OSBPL1A: variants seen among roughly 807,000 people sequenced by gnomAD.
The protein encoded by OSBPL1A is oxysterol binding protein like 1A.
OSBPL1A carries 80 observed loss-of-function variants against 137.1 expected under a neutral mutation model. That is an observed-to-expected ratio of 0.58 (90% confidence interval 0.49 to 0.70). The LOEUF is 0.70. Among genes scored for constraint, OSBPL1A ranks in the 30% least tolerant of loss-of-function variants. OSBPL1A has a pLI of 0.00. For synonymous variants in OSBPL1A, 365 were observed against 389.7 expected, an observed-to-expected ratio of 0.94 and a Z score of 0.75; for missense variants, 970 against 1,129.4, an observed-to-expected ratio of 0.86 and a Z score of 2.02.
intron 13 of OSBPL1A, among the ~76,000 whole-genome samples, chr18:24,305,526 C>T (rs1176533357): frequency 1.3e-5 from 2 of 152,094 alleles, no homozygotes; most frequent in African/African-American, 4.8e-5. Context: ...AATATGGTCT[C>T]CCATTTGCTT....
intron 18 of OSBPL1A, among the ~76,000 whole-genome samples, chr18:24,184,958 A>C (rs552200957): frequency 3.3e-4 from 51 of 152,334 alleles, no homozygotes; most frequent in African/African-American, 1.2e-3. Flanking sequence ...CTAAATGCTG[A>C]GTAAAAAAAA....
intron 15 of OSBPL1A, among the ~76,000 whole-genome samples, chr18:24,269,885 C>CA (rs375934061): frequency 6.0e-5 from 9 of 151,224 alleles, no homozygotes; most frequent in African/African-American, 2.0e-4. Flanking sequence ...CACACACACA[C>CA]CATGCTAATT....
At chr18:24,187,908 GC>G (rs1220688377) in intron 18 of OSBPL1A, among the ~76,000 whole-genome samples, 1 of 152,236 alleles carries the variant, frequency 6.6e-6, no homozygotes, top group Non-Finnish European at 1.5e-5. Context: ...ACCAGTGACA[GC>G]CAGTAGGTGA....
intron 16 of OSBPL1A, among the ~76,000 whole-genome samples, chr18:24,228,595 A>G (rs1284652981): frequency 6.6e-6 from 1 of 152,192 alleles, no homozygotes; most frequent in African/African-American, 2.4e-5. Context: ...AAACGAGTTC[A>G]GTAGATTTCT....
chr18:24,241,588 G>A (rs1337743490), intron 15 of OSBPL1A, among the ~76,000 whole-genome samples: 1 of 152,128 alleles, frequency 6.6e-6, no homozygotes. Context: ...ACCATCTTAC[G>A]CCAGTTAGAA....
At chr18:24,215,176 A>C (rs531194636) in intron 17 of OSBPL1A, among the ~76,000 whole-genome samples, 1 of 152,318 alleles carries the variant, frequency 6.6e-6, no homozygotes, top group South Asian at 2.1e-4. Flanking sequence ...TGTCCTGCAA[A>C]GGACTGCATC....
Position 24,354,134 on chromosome 18 carries a change from T to TA in OSBPL1A, c.283-12477dup, listed in dbSNP as rs1189014777. Among the ~76,000 whole-genome samples, 244 of 147,848 alleles carry TA rather than the reference T, an allele frequency of 1.7e-3. 3 individuals carry two copies. The Middle Eastern group carries it at 0.028, about 17-fold the overall frequency. ...ACTATGTTATCTATAAACAGGAGGT[T>TA]AAAAAAAAAACTCAAGTTAAAACTA... On this transcript the variant is annotated intron_variant, in intron 4 of 27. Coordinates refer to ENST00000319481, the MANE Select transcript of OSBPL1A (RefSeq NM_080597.4).
chr18:24,276,018 G>A (rs943446066), intron 15 of OSBPL1A, among the ~76,000 whole-genome samples: 2 of 151,826 alleles, frequency 1.3e-5, no homozygotes, highest in African/African-American at 2.4e-5. Context: ...ATGAGCCACC[G>A]TGCCTGTATG....
intron 14 of OSBPL1A, among the ~76,000 whole-genome samples, chr18:24,299,415 T>C (rs544572167): frequency 6.6e-6 from 1 of 152,330 alleles, no homozygotes; most frequent in African/African-American, 2.4e-5. Flanking sequence ...GCATTTCTTG[T>C]AGTGCTGGTT....
In OSBPL1A at chr18:24,264,551, A is replaced by G. The variant is rs576756792; in HGVS notation, c.1281+16291T>C. On this transcript the variant is annotated intron_variant, in intron 15 of 27. Coordinates refer to ENST00000319481, the MANE Select transcript of OSBPL1A (RefSeq NM_080597.4). The stretch of plus-strand genomic sequence containing the variant: ...GAATCTTAGGAAATAGACTACTTCT[A>G]TATTTTCCCAAAATGCGACTTCTAC... Among the ~76,000 whole-genome samples, 8 of 152,350 alleles carry G rather than the reference A, an allele frequency of 5.3e-5. No homozygotes were observed. In the South Asian group the frequency reaches 1.0e-3, roughly 20 times the overall value.
chr18:24,212,558 G>A (rs1471966065), intron 17 of OSBPL1A, among the ~76,000 whole-genome samples: 6 of 152,190 alleles, frequency 3.9e-5, no homozygotes, highest in African/African-American at 1.4e-4. Flanking sequence ...ATTTAAATCT[G>A]AGAGTAAATA....
chr18:24,178,079 T>C lies in OSBPL1A; in HGVS notation c.2027A>G (p.Lys676Arg). The C allele has an allele frequency of 6.2e-7, 1 of 1,613,840 alleles. No homozygotes were observed. Among genetic ancestry groups the C allele is most frequent in the Non-Finnish European group, 8.5e-7 (1 of 1,179,814 alleles). Residue 676 changes from lysine to arginine, a missense_variant, in exon 21 of 28, where the codon AAA (lysine) becomes AGA (arginine). Physicochemically the swap from Lys to Arg is conservative, Grantham distance 26. Coordinates refer to ENST00000319481, the MANE Select transcript of OSBPL1A (RefSeq NM_080597.4). ...DFIFHGSIYP[K>R]LKFWGKSVEA... Reference sequence around the variant, plus strand: ...TACACTCTTCCCCCAGAATTTCAGTTTGGGATAGATAGAGCCATGAAAGAT... The same window carrying C: ...TACACTCTTCCCCCAGAATTTCAGTCTGGGATAGATAGAGCCATGAAAGAT...
intron 14 of OSBPL1A, among the ~76,000 whole-genome samples, chr18:24,290,281 A>T (rs1038353239): frequency 3.3e-5 from 5 of 152,206 alleles, no homozygotes; most frequent in Non-Finnish European, 5.9e-5. Flanking sequence ...AGAAAGAAAG[A>T]AACAAACAAA....
chr18:24,290,299 G>T (rs995114557), intron 14 of OSBPL1A, among the ~76,000 whole-genome samples: 1 of 152,160 alleles, frequency 6.6e-6, no homozygotes, highest in Admixed American at 6.5e-5. Flanking sequence ...AAAAGGCAAG[G>T]CTGATGCAAC....
At chr18:24,307,307 A>G (rs983318489) in intron 13 of OSBPL1A, among the ~76,000 whole-genome samples, 2 of 151,390 alleles carry the variant, frequency 1.3e-5, no homozygotes, top group African/African-American at 4.9e-5. Context: ...AATAACCCAT[A>G]CTCCATCTTT....
chr18:24,324,981 G>T (rs2090946323), intron 7 of OSBPL1A, among the ~76,000 whole-genome samples: 2 of 151,784 alleles, frequency 1.3e-5, no homozygotes, highest in Non-Finnish European at 2.9e-5. Context: ...AGCCACGCGG[G>T]AGGCTGAGGC....
intron 21 of OSBPL1A, among the ~76,000 whole-genome samples, chr18:24,175,397 AG>A (rs2086420737): frequency 1.3e-5 from 2 of 151,906 alleles, no homozygotes; most frequent in Admixed American, 1.3e-4. Context: ...TATGTTGCCC[AG>A]GCTGGTCTCT....
intron 13 of OSBPL1A, among the ~76,000 whole-genome samples, chr18:24,306,272 G>A (rs1460843485): frequency 2.0e-5 from 3 of 152,130 alleles, no homozygotes; most frequent in Non-Finnish European, 2.9e-5. Flanking sequence ...CAAAATTTTA[G>A]CTGTTGGTTT....
At chr18:24,206,375 C>G (rs1426692139) in intron 17 of OSBPL1A, among the ~76,000 whole-genome samples, 1 of 152,210 alleles carries the variant, frequency 6.6e-6, no homozygotes, top group Non-Finnish European at 1.5e-5. Context: ...CATAATGAAG[C>G]AACTCAGGAG....
Sources: allele counts gnomAD v4.1 joint callset (sites outside exome capture counted in the v4.1 genomes callset), GRCh38; gene constraint gnomAD v4.1.1; transcripts MANE v1.5; gene names NCBI Gene and HGNC (gene_info 2026-07-23, HGNC 2026-07-21).